CCDC17: variants seen among roughly 807,000 people sequenced by gnomAD.
CCDC17 encodes coiled-coil domain containing 17, also known as coiled-coil domain-containing protein 17.
Under a neutral mutation model 68.0 loss-of-function variants are expected in CCDC17, and 79 were observed. The ratio of observed to expected loss-of-function variants is 1.16; its 90% CI spans 0.97 to 1.40. The LOEUF is 1.40. Ranked by LOEUF, CCDC17 falls within the 40% of genes most tolerant of loss-of-function variation. The pLI, the probability that CCDC17 is intolerant of heterozygous loss-of-function variation, is 0.00. For synonymous variants in CCDC17, 376 were observed against 337.5 expected (o/e 1.11, Z -1.25); for missense variants, 846 against 811.5 (o/e 1.04, Z -0.52).
rs553810076 is a variant in CCDC17, at chr1:45,622,565, C to G, written c.843G>C (p.Arg281=). 1.3e-6 allele frequency: 2 copies of G among 1,552,174 alleles called. No individual in the cohort carries two copies. The highest frequency in any genetic ancestry group is 2.7e-5 in the African/African-American group (2 of 73,210). ...CCTGTTCACCTCTGCGGGTCTGCGA[C>G]CGCTGCAGCTCCAGTGCAGACGCCT... ...QVEASALELQ[R]SQTRRGRAGA... The change falls in exon 6 of 13, where the codon CGG becomes CGC. Residue 281 remains arginine, a synonymous_variant. Transcript: ENST00000528266.
At chr1:45,622,446 C>T in intron 6 of CCDC17, 98 bp from the exon 7 acceptor site, 1 of 1,472,046 alleles carries the variant, frequency 6.8e-7, no homozygotes, top group Non-Finnish European at 9.2e-7. Flanking sequence ...TCGGATAAGG[C>T]TGGACTTGTC....
rs957217866 is a variant in CCDC17, at chr1:45,620,420, G to A, written c.1724C>T (p.Ser575Phe). 2.5e-6 allele frequency: 4 copies of A among 1,583,032 alleles called. No individual in the cohort carries two copies. Among genetic ancestry groups the A allele is most frequent in the African/African-American group, 1.4e-5 (1 of 73,488 alleles). The change falls in exon 13 of 13, where the codon TCT becomes TTT. Residue 575 changes from serine to phenylalanine, a missense_variant. Physicochemically the swap from Ser to Phe is radical, Grantham distance 155. Transcript: ENST00000528266. Reference protein sequence around the residue: ...YQYPPPVSSTSSLEASFLTPA... With the variant: ...YQYPPPVSSTFSLEASFLTPA... ...GGTGAGGAAGCTGGCTTCCAGTGAAGATGTGCTGGACACCTGTGGAACAGG... is the reference window on the plus strand; with the variant it reads ...GGTGAGGAAGCTGGCTTCCAGTGAAAATGTGCTGGACACCTGTGGAACAGG...
chr1:45,623,737 GC>G lies in CCDC17; in HGVS notation c.172del (p.Ala58ArgfsTer27). ...ACCCATGGCCATGGAGGCCCTTACC[GC>G]GGCCCGCTGGGGTTCAGTGGCAACT... ...ASVATEPQRA[A>X]VVPQEHQGVP... On this transcript the variant is annotated frameshift_variant and splice_region_variant, in exon 1 of 13. Coordinates refer to ENST00000528266, the MANE Select transcript of CCDC17 (RefSeq NM_001114938.3). LOFTEE classifies it high-confidence loss of function. The G allele has an allele frequency of 6.4e-7, 1 of 1,550,926 alleles. No homozygotes were observed.
rs748291421 is a variant in CCDC17 at position 45,621,916 on chromosome 1, C to G, written c.1047G>C (p.Pro349=). 8 of 1,608,440 alleles carry G rather than the reference C, an allele frequency of 5.0e-6. No individual in the cohort carries two copies. The highest frequency in any genetic ancestry group is 2.2e-5 in the East Asian group (1 of 44,788). ...GAAGTGGTGGCAGCGGTGGTGCCAC[C>G]GGTGGCGGGAGGAGTGGGGGATCTC... The part of the protein sequence containing the change: ...GRRDPPLLPP[P]VAPPLPPLPG... Residue 349 remains proline, a synonymous_variant, in exon 8 of 13, where the codon CCG becomes CCC. Coordinates refer to ENST00000528266, the MANE Select transcript of CCDC17 (RefSeq NM_001114938.3).
At chr1:45,620,678 C>T (rs550510154) in intron 12 of CCDC17, 45 bp downstream of exon 12, 59 of 1,559,312 alleles carry the variant, frequency 3.8e-5, no homozygotes, top group Admixed American at 1.2e-4. Context: ...CCAGCCACAC[C>T]GGTATGTGTA....
In CCDC17 at chr1:45,623,884, G is replaced by A. The variant is rs1431331861; in HGVS notation, c.26C>T (p.Ala9Val). Residue 9 changes from alanine to valine, a missense_variant, in exon 1 of 13, where the codon GCG (alanine) becomes GTG (valine). By Grantham distance (64) the Ala-to-Val change is moderately conservative (BLOSUM62 0). Coordinates refer to ENST00000528266, the MANE Select transcript of CCDC17 (RefSeq NM_001114938.3). MDSHSGEPALLPCGTCDMV... is the reference protein window; with the variant it reads MDSHSGEPVLLPCGTCDMV... The stretch of plus-strand genomic sequence containing the variant: ...GTCACAGGTCCCACAGGGCAGGAGC[G>A]CAGGCTCCCCAGAGTGGGAGTCCAT... 3.3e-6 allele frequency: 5 copies of A among 1,535,884 alleles called. No homozygotes were observed. The highest frequency in any genetic ancestry group is 4.4e-6 in the Non-Finnish European group (5 of 1,140,198).
chr1:45,622,152 CG>C, intron 7 of CCDC17, 88 bp downstream of exon 7: 2 of 1,346,608 alleles, frequency 1.5e-6, no homozygotes, highest in South Asian at 2.5e-5. Context: ...GTCACAAACA[CG>C]GGTCTTGTTC....
At chr1:45,622,924 T>TTG (rs1373381983) in intron 4 of CCDC17, 31 bp downstream of exon 4, 1 of 1,283,034 alleles carries the variant, frequency 7.8e-7, no homozygotes, top group East Asian at 3.1e-5. Context: ...CGGAGCCGCA[T>TTG]GTTCCGGGGA....
rs769922507 is a variant in CCDC17 at position 45,623,404 on chromosome 1, C to T, written c.306G>A (p.Arg102=). The part of the protein sequence containing the change: ...QWLRLSLQEM[R]PWITEVPRVF... ...CCCTGGGGACCTCTGTTATCCAGGG[C>T]CGCATTTCCTGTAGGGATAGCCGCA... The change falls in exon 3 of 13, where the codon CGG becomes CGA. Residue 102 remains arginine (R), a synonymous_variant. Transcript: ENST00000528266. 5.3e-5 allele frequency: 82 copies of T among 1,550,538 alleles called. No individual in the cohort carries two copies. Among genetic ancestry groups the T allele is most frequent in the Non-Finnish European group, 6.9e-5 (79 of 1,147,006 alleles).
At position 45,621,341 on chromosome 1, in the gene CCDC17, G is replaced by C; in HGVS notation, c.1328C>G (p.Pro443Arg). Residue 443 changes from proline (P) to arginine (R), a missense_variant, in exon 10 of 13, where the codon CCT (proline) becomes CGT (arginine). Pro to Arg is a moderately radical substitution (Grantham distance 103). Transcript: ENST00000528266. ...ALPPALCLPPPPAPGPMGNCA... is the reference protein window; with the variant it reads ...ALPPALCLPPRPAPGPMGNCA... ...GTTGCCCATGGGCCCGGGAGCAGGA[G>C]GTGGGGGCAGGCAAAGGGCTGGGGG... 6.3e-7 allele frequency: 1 copy of C among 1,590,104 alleles called. No homozygotes were observed. The highest frequency in any genetic ancestry group is 8.6e-7 in the Non-Finnish European group (1 of 1,168,270).
chr1:45,621,732 G>A lies in CCDC17; in HGVS notation c.1090C>T (p.Gln364Ter). 2 of 1,613,672 alleles carry A rather than the reference G, an allele frequency of 1.2e-6. No individual in the cohort carries two copies. The highest frequency in any genetic ancestry group is 1.7e-6 in the Non-Finnish European group (2 of 1,179,782). The change falls in exon 9 of 13, where the codon CAG (glutamine) becomes TAG (stop). Residue 364 changes from glutamine (Q) to a stop codon, truncating the protein, a stop_gained. Coordinates refer to ENST00000528266, the MANE Select transcript of CCDC17 (RefSeq NM_001114938.3). LOFTEE classifies it high-confidence loss of function. ...TTTCTGGTCATTGTTCCAGGAAGCTGTGGCTGTGGGGAAGAGAGCTGACTC... is the reference window on the plus strand; with the variant it reads ...TTTCTGGTCATTGTTCCAGGAAGCTATGGCTGTGGGGAAGAGAGCTGACTC... ...LPPLPGFSEP[Q>*]LPGTMTRNLG...
intron 7 of CCDC17, 77 bp from the exon 8 acceptor site, chr1:45,622,072 T>TGGGCCCACAAATGGGTTGGC: frequency 6.9e-7 from 1 of 1,453,968 alleles, no homozygotes; most frequent in Non-Finnish European, 9.4e-7. Flanking sequence ...CCCCAAGAGT[T>TGGGCCCACAAATGGGTTGGC]GGGCCCACAA....
At position 45,623,904 on chromosome 1, in the gene CCDC17, G is replaced by A; in HGVS notation, c.6C>T (p.Asp2=). ...GGAGCGCAGGCTCCCCAGAGTGGGA[G>A]TCCATGGGATGGGACCCGTTTCCTG... M[D]SHSGEPALLP... Residue 2 remains aspartate (D), a synonymous_variant, in exon 1 of 13, where the codon GAC becomes GAT. Transcript: ENST00000528266. 1 of 1,516,682 alleles carries A rather than the reference G, an allele frequency of 6.6e-7. No homozygotes were observed. The highest frequency in any genetic ancestry group is 2.5e-5 in the East Asian group (1 of 40,778). The allele number at this position is 1,516,682 out of a possible 1,614,324, so 94.0% of individuals were successfully genotyped here.
Position 45,621,941 on chromosome 1 carries a change from C to T in CCDC17, c.1022G>A (p.Arg341Lys). ...CGGTGGCGGGAGGAGTGGGGGATCT[C>T]TCCTCCCCTTCGGTTGTAGGCTGGC... The part of the protein sequence containing the change: ...GDASLQPKGR[R>K]DPPLLPPPVA... The change falls in exon 8 of 13, where the codon AGA (arginine) becomes AAA (lysine). Residue 341 changes from arginine (R) to lysine (K), a missense_variant. Coordinates refer to ENST00000528266, the MANE Select transcript of CCDC17 (RefSeq NM_001114938.3). 6.2e-7 allele frequency: 1 copy of T among 1,611,174 alleles called. No homozygotes were observed. The highest frequency in any genetic ancestry group is 1.1e-5 in the South Asian group (1 of 90,396).
Position 45,622,284 on chromosome 1 carries a change from T to C in CCDC17, c.924A>G (p.Ala308=). 1 of 1,613,058 alleles carries C rather than the reference T, an allele frequency of 6.2e-7. No homozygotes were observed. Among genetic ancestry groups the C allele is most frequent in the Admixed American group, 1.7e-5 (1 of 59,734 alleles). ...TCTGCATTTGCAAGGCCAAGATTTC[T>C]GCCTCCAAGCGCCGGTTTTCAGCCT... is the stretch of plus-strand genomic sequence containing the variant. ...VVEAENRRLE[A]EILALQMQRG... The change falls in exon 7 of 13, where the codon GCA becomes GCG. Residue 308 remains alanine (A), a synonymous_variant. Transcript: ENST00000528266.
At chr1:45,622,432 C>T in intron 6 of CCDC17, 84 bp from the exon 7 acceptor site, 1 of 1,476,130 alleles carries the variant, frequency 6.8e-7, no homozygotes, top group African/African-American at 1.4e-5. Context: ...AGCGCTAAGG[C>T]TCTTCGGATA....
At position 45,622,856 on chromosome 1, in the gene CCDC17, A is replaced by G. The variant is rs758032066; in HGVS notation, c.657-22T>C. 3.2e-6 allele frequency: 5 copies of G among 1,583,890 alleles called. No homozygotes were observed. In the South Asian group the frequency reaches 4.6e-5, roughly 15 times the overall value. The stretch of plus-strand genomic sequence containing the variant: ...GTTCCTGGGGTGGCAGGCGACGCGC[A>G]GGGAGACGGTAACGCATCAGAGGCC... On this transcript the variant is annotated intron_variant, in intron 4 of 12. Coordinates refer to ENST00000528266, the MANE Select transcript of CCDC17 (RefSeq NM_001114938.3).
intron 12 of CCDC17, 86 bp downstream of exon 12, chr1:45,620,637 A>G (rs887074021): frequency 6.5e-7 from 1 of 1,541,274 alleles, no homozygotes; most frequent in Admixed American, 2.0e-5. Context: ...ACTGGCACAC[A>G]GTGGTCAATA....
Position 45,623,628 on chromosome 1 carries a change from C to T in CCDC17, c.199G>A (p.Val67Met), listed in dbSNP as rs1409820754. 7.7e-6 allele frequency: 12 copies of T among 1,550,986 alleles called. No homozygotes were observed. In the Admixed American group the frequency reaches 9.8e-5, roughly 13 times the overall value. ...GGGAGGCCCTGGGGTTCTTGTGGCA[C>T]GCCCTGGTGTTCTTGTGGCACAACC... ...AAVVPQEHQG[V>M]PQEPQGLPDQ... Residue 67 changes from valine (V) to methionine (M), a missense_variant, in exon 2 of 13, where the codon GTG becomes ATG. Physicochemically the swap from Val to Met is conservative, Grantham distance 21 (BLOSUM62 1). Coordinates refer to ENST00000528266, the MANE Select transcript of CCDC17 (RefSeq NM_001114938.3).
Sources: allele counts gnomAD v4.1 joint callset, GRCh38; gene constraint gnomAD v4.1.1; transcripts MANE v1.5; gene names NCBI Gene and HGNC (gene_info 2026-07-23, HGNC 2026-07-21).